Variants in SMAP1 observed in about 807,000 individuals in gnomAD.
The protein encoded by SMAP1 is small ArfGAP 1.
SMAP1 carries 24 observed loss-of-function variants against 58.5 expected under a neutral mutation model. That is an observed-to-expected ratio of 0.41 (90% CI 0.30 to 0.58). The LOEUF (loss-of-function observed/expected upper bound fraction) is 0.58, where lower values mean the gene tolerates loss of function less well. Ranked by LOEUF, SMAP1 falls within the 20% of genes least tolerant of loss-of-function variation. SMAP1 has a pLI of 0.29. For synonymous variants in SMAP1, 216 were observed against 196.6 expected (o/e 1.10, Z -0.82); for missense variants, 563 against 566.3 (o/e 0.99, Z 0.06).
At chr6:70,826,934 CAAAAAAAAA>C (rs61069311) in intron 6 of SMAP1, among the ~76,000 whole-genome samples, 43 of 76,612 alleles carry the variant, frequency 5.6e-4, no homozygotes, top group Admixed American at 1.4e-3. Context: ...AACCGTGTCT[CAAAAAAAAA>C]AAAAAAAAAA....
chr6:70,780,425 T>G (rs936324513), intron 4 of SMAP1, among the ~76,000 whole-genome samples: 1 of 151,934 alleles, frequency 6.6e-6, no homozygotes, highest in Non-Finnish European at 1.5e-5. Context: ...AAAATAATAA[T>G]GAAAAATTAG....
At chr6:70,859,542 G>C (rs1338317869) in intron 10 of SMAP1, 2 of 602,720 alleles carry the variant, frequency 3.3e-6, no homozygotes, top group Admixed American at 7.2e-5. Context: ...GTCTAACTCT[G>C]AGTGTAAGTT....
At chr6:70,726,238 A>G (rs1427075337) in intron 1 of SMAP1, among the ~76,000 whole-genome samples, 1 of 152,198 alleles carries the variant, frequency 6.6e-6, no homozygotes, top group Non-Finnish European at 1.5e-5. Context: ...TCCTCTAAAA[A>G]TGCTCCCTTA....
intron 5 of SMAP1, among the ~76,000 whole-genome samples, chr6:70,795,741 CTT>C (rs756434039): frequency 5.5e-5 from 8 of 144,488 alleles, no homozygotes; most frequent in Non-Finnish European, 4.6e-5. Flanking sequence ...TTTTCTTTTT[CTT>C]TTTTTTTTTT....
rs139800382 is a variant in SMAP1 at position 70,681,649 on chromosome 6, CCT to C, written c.118+13509_118+13510del. On this transcript the variant is annotated intron_variant, in intron 1 of 10. Coordinates refer to ENST00000370455, the MANE Select transcript of SMAP1 (RefSeq NM_001044305.3). ...TGATGCTGGTTTAAAGAATGAAAAA[CCT>C]TTGGTGCCTTTTGTATGTGTGTGTG... 6.6e-4 allele frequency among the ~76,000 whole-genome samples: 100 copies of C among 152,124 alleles called. No individual in the cohort carries two copies. In the East Asian group the frequency reaches 0.016, roughly 25 times the overall value.
chr6:70,717,062 A>G (rs758159441), intron 1 of SMAP1, among the ~76,000 whole-genome samples: 15 of 152,098 alleles, frequency 9.9e-5, no homozygotes, highest in African/African-American at 1.9e-4. Context: ...TGTTTGTCCA[A>G]ACTACACTCT....
chr6:70,712,801 T>C (rs1768111732), intron 1 of SMAP1, among the ~76,000 whole-genome samples: 1 of 149,302 alleles, frequency 6.7e-6, no homozygotes, highest in Non-Finnish European at 1.5e-5. Context: ...TCTTTTCTTT[T>C]TTTTTTTTTT....
chr6:70,810,844 T>C (rs1038326965), intron 6 of SMAP1, among the ~76,000 whole-genome samples: 2 of 152,162 alleles, frequency 1.3e-5, no homozygotes, highest in African/African-American at 4.8e-5. Context: ...CTGGCTCCCC[T>C]TTTTTTATTG....
In SMAP1 at chr6:70,741,079, C is replaced by T. The variant is rs141678085; in HGVS notation, c.252+8568C>T. ...GAGCTACAATTCAAGATGAAATTTGCGTGGGGACACAGCCAAACCATACCA... is the reference window on the plus strand; with the variant it reads ...GAGCTACAATTCAAGATGAAATTTGTGTGGGGACACAGCCAAACCATACCA... On this transcript the variant is annotated intron_variant, in intron 2 of 10. Transcript: ENST00000370455. Among the ~76,000 whole-genome samples, 62 of 152,236 alleles carry T rather than the reference C, an allele frequency of 4.1e-4. 1 individual carries two copies. The highest frequency in any genetic ancestry group is 1.5e-3 in the African/African-American group (62 of 41,544).
intron 6 of SMAP1, among the ~76,000 whole-genome samples, chr6:70,820,298 A>C (rs1397028632): frequency 6.6e-6 from 1 of 152,196 alleles, no homozygotes; most frequent in East Asian, 1.9e-4. Flanking sequence ...ATTTTTCTAT[A>C]GGTAATAGTC....
At chr6:70,728,187 G>A (rs1328042278) in intron 1 of SMAP1, among the ~76,000 whole-genome samples, 1 of 152,138 alleles carries the variant, frequency 6.6e-6, no homozygotes, top group Non-Finnish European at 1.5e-5. Flanking sequence ...TTTTGTAATT[G>A]GATCCAAGGT....
intron 1 of SMAP1, among the ~76,000 whole-genome samples, chr6:70,682,242 G>A (rs1328101561): frequency 7.4e-6 from 1 of 135,978 alleles, no homozygotes; most frequent in Non-Finnish European, 1.5e-5. Context: ...AGGCTCAAGT[G>A]CAGTGGGGCT....
intron 6 of SMAP1, among the ~76,000 whole-genome samples, chr6:70,836,172 G>A (rs1409302720): frequency 2.6e-5 from 4 of 152,102 alleles, no homozygotes; most frequent in African/African-American, 2.4e-5. Context: ...AGACATACCC[G>A]AGACTGGGCA....
intron 5 of SMAP1, among the ~76,000 whole-genome samples, chr6:70,797,041 G>A (rs1171064718): frequency 6.6e-6 from 1 of 152,040 alleles, no homozygotes; most frequent in African/African-American, 2.4e-5. Context: ...AACACTTACT[G>A]CCTTTTATTA....
intron 3 of SMAP1, among the ~76,000 whole-genome samples, chr6:70,772,280 C>T (rs772897767): frequency 1.3e-5 from 2 of 152,078 alleles, no homozygotes; most frequent in Non-Finnish European, 2.9e-5. Context: ...TTACCTGTTG[C>T]CTCAACTGTC....
intron 1 of SMAP1, among the ~76,000 whole-genome samples, chr6:70,697,176 G>A (rs79172045): frequency 0.064 from 9,712 of 152,056 alleles, 405 homozygotes; most frequent in Non-Finnish European, 0.099. Flanking sequence ...TTTTTTATCC[G>A]TTTAGCCACT....
intron 1 of SMAP1, among the ~76,000 whole-genome samples, chr6:70,684,995 T>C (rs1423195283): frequency 6.6e-6 from 1 of 152,200 alleles, no homozygotes; most frequent in Non-Finnish European, 1.5e-5. Context: ...CTTTATGAGC[T>C]CCAGTGTCAT....
intron 3 of SMAP1, among the ~76,000 whole-genome samples, chr6:70,761,577 T>C (rs556989350): frequency 1.3e-5 from 2 of 152,160 alleles, no homozygotes; most frequent in South Asian, 2.1e-4. Context: ...AACTTGATGG[T>C]ATGCAAGCCA....
chr6:70,799,899 A>G (rs1371739585), intron 6 of SMAP1, among the ~76,000 whole-genome samples: 2 of 152,190 alleles, frequency 1.3e-5, no homozygotes, highest in Non-Finnish European at 2.9e-5. Context: ...GTAATTTCAC[A>G]TTCTATGTAA....
Sources: gnomAD v4.1 joint callset for allele counts (sites outside exome capture counted in the v4.1 genomes callset) on GRCh38, gnomAD v4.1.1 for gene constraint, MANE v1.5 for transcripts, NCBI Gene and HGNC (gene_info 2026-07-23, HGNC 2026-07-21) for gene names.